Variants in CC2D1A observed in about 807,000 individuals in gnomAD.
CC2D1A encodes coiled-coil and C2 domain-containing protein 1A.
CC2D1A carries 68 observed loss-of-function variants against 123.8 expected under a neutral mutation model. The observed-to-expected ratio is 0.55, with a 90% confidence interval of 0.45 to 0.67. CC2D1A has a LOEUF of 0.67. CC2D1A is among the 30% of genes least tolerant of loss of function. CC2D1A has a pLI of 0.00. For synonymous variants in CC2D1A, 477 were observed against 528.0 expected, an observed-to-expected ratio of 0.90 and a Z score of 1.32; for missense variants, 1,185 against 1,290.3, an observed-to-expected ratio of 0.92 and a Z score of 1.25.
intron 2 of CC2D1A, among the ~76,000 whole-genome samples, chr19:13,910,324 C>T (rs1347744474): frequency 2.7e-5 from 4 of 145,984 alleles, no homozygotes; most frequent in East Asian, 2.0e-4. Context: ...AGAAGAATGG[C>T]GTGAACCAGG....
chr19:13,911,803 C>A (rs1971010305), intron 2 of CC2D1A, among the ~76,000 whole-genome samples: 1 of 151,250 alleles, frequency 6.6e-6, no homozygotes, highest in Admixed American at 6.6e-5. Flanking sequence ...GCAAGCTCCG[C>A]CTCCTAGGTT....
chr19:13,930,479 A>G lies in CC2D1A; in HGVS notation c.*84A>G. 3 of 1,430,840 alleles carry G rather than the reference A, an allele frequency of 2.1e-6. No individual in the cohort carries two copies. The highest frequency in any genetic ancestry group is 2.8e-6 in the Non-Finnish European group (3 of 1,069,952). The allele number at this position is 1,430,840 out of a possible 1,614,324, so 88.6% of individuals were successfully genotyped here. A position where few individuals can be genotyped will look rare whatever the true frequency, so the allele number is the denominator to read the frequency against. On this transcript the variant is annotated 3_prime_UTR_variant, in exon 29 of 29. Coordinates refer to ENST00000318003, the MANE Select transcript of CC2D1A (RefSeq NM_017721.5). The surrounding 1 kb of genome is among the most constrained non-coding windows in gnomAD (Gnocchi z 6.8). Reference sequence around the variant, plus strand: ...AGCCGACACAGCCACGAACCAGACAAGCAGACAATCAGCGGACAATCGGTT... The same window carrying G: ...AGCCGACACAGCCACGAACCAGACAGGCAGACAATCAGCGGACAATCGGTT...
rs574681376 is a variant in CC2D1A, at chr19:13,906,793, T to C, written c.60+292T>C. On this transcript the variant is annotated intron_variant, in intron 1 of 28. Transcript: ENST00000318003. This position sits in a 1 kb window ranked among gnomAD's most constrained non-coding sequence, Gnocchi z 4.1. ...TCAAACCCTTGCATCAGTCGGGCCA[T>C]GTCAGACTCTTTTTATTCCATTGTA... Among the ~76,000 whole-genome samples, 8 of 152,342 alleles carry C rather than the reference T, an allele frequency of 5.3e-5. No individual in the cohort carries two copies. In the South Asian group the frequency reaches 1.4e-3, roughly 28 times the overall value.
Position 13,926,923 on chromosome 19 carries a change from A to G in CC2D1A, c.2125+51A>G, listed in dbSNP as rs753731157. The G allele has an allele frequency of 3.1e-6, 5 of 1,612,344 alleles. 1 individual carries two copies. In the Admixed American group the frequency reaches 8.3e-5, roughly 27 times the overall value. ...CCCCTACTCCCTTGCAGCAGAAGGG[A>G]CATAAGACAATGGCCTGACCCCACC... On this transcript the variant is annotated intron_variant, in intron 20 of 28. Transcript: ENST00000318003.
At chr19:13,910,173 C>T (rs544892959) in intron 2 of CC2D1A, among the ~76,000 whole-genome samples, 22 of 149,468 alleles carry the variant, frequency 1.5e-4, no homozygotes, top group Admixed American at 1.1e-3. Flanking sequence ...CCGAGGCAGG[C>T]AGATCATGAG....
chr19:13,928,704 CTTT>C (rs60455051), intron 24 of CC2D1A, among the ~76,000 whole-genome samples: 3 of 109,214 alleles, frequency 2.7e-5, no homozygotes, highest in African/African-American at 3.7e-5. Context: ...CCCAGTGTGT[CTTT>C]TTTTTTTTTT....
chr19:13,918,229 G>A (rs755171899), intron 7 of CC2D1A, 35 bp downstream of exon 7: 3 of 1,501,936 alleles, frequency 2.0e-6, no homozygotes, highest in Non-Finnish European at 2.7e-6. Flanking sequence ...CTGGAGGGAT[G>A]GGGCAGGATG....
rs1971387421 is a variant in CC2D1A at position 13,920,808 on chromosome 19, G to T, written c.1527G>T (p.Leu509=). ...AGAAGCAGCTCCTGCAGGCCGCACT[G>T]CGAGCCAAGCAGAAAAACGACGTGG... ...GRKKQLLQAA[L]RAKQKNDVEG... Residue 509 remains leucine (L), a synonymous_variant, in exon 14 of 29, where the codon CTG becomes CTT. Coordinates refer to ENST00000318003, the MANE Select transcript of CC2D1A (RefSeq NM_017721.5). 6.2e-7 allele frequency: 1 copy of T among 1,614,158 alleles called. No individual in the cohort carries two copies.
rs1971087091 is a variant in CC2D1A at position 13,913,506 on chromosome 19, A to T, written c.616A>T (p.Thr206Ser). 6.2e-7 allele frequency: 1 copy of T among 1,614,132 alleles called. No homozygotes were observed. Among genetic ancestry groups the T allele is most frequent in the Admixed American group, 1.7e-5 (1 of 60,024 alleles). ...AGGAAAAGGCCCGGCGTCCACGCCT[A>T]CCTACAGCCCTGCACCCACCCAGCC... is the stretch of plus-strand genomic sequence containing the variant. ...AIGKGPASTP[T>S]YSPAPTQPAP... The change falls in exon 6 of 29, where the codon ACC (threonine) becomes TCC (serine). Residue 206 changes from threonine (T) to serine (S), a missense_variant. By Grantham distance (58) the Thr-to-Ser change is moderately conservative. Transcript: ENST00000318003.
Position 13,927,017 on chromosome 19 carries a change from A to G in CC2D1A, c.2165A>G (p.His722Arg), listed in dbSNP as rs1427737404. ...TTCAAACTCTGCATCAACCGCAGCC[A>G]CCGTGGCTTCCGAAGGGCCATCCAG... is the stretch of plus-strand genomic sequence containing the variant. ...EQFKLCINRS[H>R]RGFRRAIQTK... Residue 722 changes from histidine (H) to arginine (R), a missense_variant, in exon 21 of 29, where the codon CAC becomes CGC. Coordinates refer to ENST00000318003, the MANE Select transcript of CC2D1A (RefSeq NM_017721.5). 3.7e-6 allele frequency: 6 copies of G among 1,613,920 alleles called. No individual in the cohort carries two copies. The Admixed American group carries it at 8.3e-5, about 22-fold the overall frequency.
intron 24 of CC2D1A, among the ~76,000 whole-genome samples, chr19:13,928,996 A>G (rs1489132838): frequency 1.4e-5 from 2 of 146,550 alleles, no homozygotes; most frequent in Admixed American, 6.9e-5. Flanking sequence ...GGCATGAGCT[A>G]CCATGCTCGG....
chr19:13,917,062 A>G (rs1971231163), intron 6 of CC2D1A, among the ~76,000 whole-genome samples: 1 of 152,250 alleles, frequency 6.6e-6, no homozygotes, highest in African/African-American at 2.4e-5. Context: ...GGTAGGCAAA[A>G]AAGGCTTTCA....
In CC2D1A at chr19:13,911,549, T is replaced by G. The variant is rs867510153; in HGVS notation, c.197-774T>G. ...TTGTTGTTGTTGTGTGTGTGTGTTT[T>G]TTTTTTTTTTTTTGGAGACAAACCC... On this transcript the variant is annotated intron_variant, in intron 2 of 28. Coordinates refer to ENST00000318003, the MANE Select transcript of CC2D1A (RefSeq NM_017721.5). 7.5e-3 allele frequency among the ~76,000 whole-genome samples: 1,116 copies of G among 149,128 alleles called. 11 individuals carry two copies. The highest frequency in any genetic ancestry group is 0.026 in the African/African-American group (1,068 of 40,444).
chr19:13,913,596 C>T lies in CC2D1A; in HGVS notation c.706C>T (p.Pro236Ser), dbSNP rs1971095452. Residue 236 changes from proline (P) to serine (S), a missense_variant, in exon 6 of 29, where the codon CCA (proline) becomes TCA (serine). Transcript: ENST00000318003. ...VTLEGPSATA[P>S]ASSPGLAKPQ... ...CCTGGAGGGACCTTCTGCCACCGCC[C>T]CAGCCTCATCTCCAGGCTTGGCTAA... is the stretch of plus-strand genomic sequence containing the variant. 6.2e-7 allele frequency: 1 copy of T among 1,613,078 alleles called. No homozygotes were observed. The highest frequency in any genetic ancestry group is 1.1e-5 in the South Asian group (1 of 91,004).
rs960047029 is a variant in CC2D1A at position 13,913,593 on chromosome 19, G to A, written c.703G>A (p.Ala235Thr). The A allele has an allele frequency of 1.5e-5, 25 of 1,613,006 alleles. No homozygotes were observed. Among genetic ancestry groups the A allele is most frequent in the South Asian group, 9.9e-5 (9 of 91,028 alleles). ...CACCCTGGAGGGACCTTCTGCCACC[G>A]CCCCAGCCTCATCTCCAGGCTTGGC... ...RVTLEGPSAT[A>T]PASSPGLAKP... The change falls in exon 6 of 29, where the codon GCC becomes ACC. Residue 235 changes from alanine (A) to threonine (T), a missense_variant. By Grantham distance (58) the Ala-to-Thr change is moderately conservative. Transcript: ENST00000318003.
intron 24 of CC2D1A, 72 bp from the exon 25 acceptor site, chr19:13,929,307 G>A: frequency 5.9e-6 from 9 of 1,515,072 alleles, no homozygotes; most frequent in Non-Finnish European, 8.2e-6. Context: ...GCCCAGCCCA[G>A]TGTGTCTTTT....
rs1446711308 is a variant in CC2D1A at position 13,918,113 on chromosome 19, G to T, written c.792G>T (p.Gln264His). The change falls in exon 7 of 29, where the codon CAG becomes CAT. Residue 264 changes from glutamine (Q) to histidine (H), a missense_variant. Coordinates refer to ENST00000318003, the MANE Select transcript of CC2D1A (RefSeq NM_017721.5). ...PGPLAQLQSR[Q>H]RDYKLAALHA... ...CTCTGGCCCAGTTGCAGAGCCGCCA[G>T]CGCGACTACAAGCTGGCTGCCCTCC... is the stretch of plus-strand genomic sequence containing the variant. 2 of 1,612,578 alleles carry T rather than the reference G, an allele frequency of 1.2e-6. No individual in the cohort carries two copies. Among genetic ancestry groups the T allele is most frequent in the South Asian group, 2.2e-5 (2 of 90,974 alleles).
At position 13,923,687 on chromosome 19, in the gene CC2D1A, A is replaced by G. The variant is rs780621807; in HGVS notation, c.1824-8A>G. ...CCAGGGACATGAGCAGGGCCCTCCC[A>G]CCGGCAGGTTTGAAAAGTTGGCGGA... On this transcript the variant is annotated splice_polypyrimidine_tract_variant and splice_region_variant and intron_variant, in intron 16 of 28. Coordinates refer to ENST00000318003, the MANE Select transcript of CC2D1A (RefSeq NM_017721.5). The surrounding 1 kb of genome is among the most constrained non-coding windows in gnomAD (Gnocchi z 5.3). 1.2e-6 allele frequency: 2 copies of G among 1,613,794 alleles called. No homozygotes were observed. Among genetic ancestry groups the G allele is most frequent in the Non-Finnish European group, 1.7e-6 (2 of 1,179,676 alleles).
intron 20 of CC2D1A, 27 bp from the exon 21 acceptor site, chr19:13,926,951 A>G: frequency 6.2e-7 from 1 of 1,612,864 alleles, no homozygotes; most frequent in Non-Finnish European, 8.5e-7. Flanking sequence ...ACCCCACCCA[A>G]CTTCCTCTCC....
Sources: gnomAD v4.1 joint callset for allele counts (sites outside exome capture counted in the v4.1 genomes callset) on GRCh38, gnomAD v4.1.1 for gene constraint, Gnocchi (gnomAD v3.1) non-coding constraint, MANE v1.5 for transcripts, NCBI Gene and HGNC (gene_info 2026-07-23, HGNC 2026-07-21) for gene names.